Variants in ADK observed in about 807,000 individuals in gnomAD.
ADK encodes N6,N6-dimethyladenosine kinase.
A neutral mutation model predicts 44.7 loss-of-function variants in ADK; 24 were observed. That is an observed-to-expected ratio of 0.54 (90% CI 0.39 to 0.76). The LOEUF is 0.76. ADK is among the 30% of genes least tolerant of loss of function. The pLI is 0.00. For synonymous variants in ADK, 128 were observed against 142.6 expected, an observed-to-expected ratio of 0.90 and a Z score of 0.73; for missense variants, 321 against 425.1, an observed-to-expected ratio of 0.76 and a Z score of 2.15.
intron 1 of ADK, among the ~76,000 whole-genome samples, chr10:74,180,133 G>A (rs1181733450): frequency 6.6e-6 from 1 of 151,798 alleles, no homozygotes; most frequent in African/African-American, 2.4e-5. Context: ...AAATCAATGA[G>A]GACCAATGGT....
At chr10:74,280,840 C>T (rs2132443952) in intron 3 of ADK, among the ~76,000 whole-genome samples, 1 of 152,158 alleles carries the variant, frequency 6.6e-6, no homozygotes, top group Non-Finnish European at 1.5e-5. Context: ...TGTATTAAGT[C>T]CTTTGGTTTT....
rs370054334 is a variant in ADK at position 74,449,847 on chromosome 10, T to C, written c.555+51268T>C. On this transcript the variant is annotated intron_variant, in intron 6 of 10. Coordinates refer to ENST00000539909, the MANE Select transcript of ADK (RefSeq NM_006721.4). Reference sequence around the variant, plus strand: ...TGTGTTATTTATCCTTGTATTGCCATGGCCTGGCACAGTAATTGAAAAAGT... The same window carrying C: ...TGTGTTATTTATCCTTGTATTGCCACGGCCTGGCACAGTAATTGAAAAAGT... 2.3e-4 allele frequency among the ~76,000 whole-genome samples: 35 copies of C among 152,322 alleles called. 1 individual carries two copies. The highest frequency in any genetic ancestry group is 6.8e-3 in the Middle Eastern group (2 of 294).
intron 6 of ADK, among the ~76,000 whole-genome samples, chr10:74,475,081 C>T (rs1015092306): frequency 2.6e-5 from 4 of 151,932 alleles, no homozygotes; most frequent in African/African-American, 4.8e-5. Flanking sequence ...GCCGAGTTCA[C>T]GCCACTGCAC....
At chr10:74,624,382 G>T (rs1202493833) in intron 9 of ADK, among the ~76,000 whole-genome samples, 2 of 151,820 alleles carry the variant, frequency 1.3e-5, no homozygotes, top group Admixed American at 6.6e-5. Context: ...AAACCTTTCT[G>T]TGTTTTTAAA....
chr10:74,292,329 TG>T (rs957173082), intron 3 of ADK, among the ~76,000 whole-genome samples: 1 of 152,224 alleles, frequency 6.6e-6, no homozygotes, highest in African/African-American at 2.4e-5. Flanking sequence ...GTTTCTGTGA[TG>T]GGAAGATGAC....
At chr10:74,218,846 C>G (rs1223048285) in intron 2 of ADK, among the ~76,000 whole-genome samples, 2 of 152,028 alleles carry the variant, frequency 1.3e-5, no homozygotes, top group African/African-American at 2.4e-5. Context: ...CCAGGCCTGC[C>G]CTAAAAGAGC....
chr10:74,456,198 A>T (rs1394030281), intron 6 of ADK, among the ~76,000 whole-genome samples: 2 of 152,140 alleles, frequency 1.3e-5, no homozygotes, highest in Non-Finnish European at 2.9e-5. Context: ...TCTAATAGAC[A>T]TCTACAGAAC....
At chr10:74,298,467 A>G (rs146030500) in intron 3 of ADK, among the ~76,000 whole-genome samples, 1 of 152,164 alleles carries the variant, frequency 6.6e-6, no homozygotes, top group Admixed American at 6.5e-5. Context: ...AATTGAGGAC[A>G]TTAGGCTCGT....
At chr10:74,273,822 G>T (rs1846543712) in intron 3 of ADK, among the ~76,000 whole-genome samples, 1 of 152,156 alleles carries the variant, frequency 6.6e-6, no homozygotes, top group African/African-American at 2.4e-5. Context: ...AACTACTTCA[G>T]TGTCCATTTT....
chr10:74,413,082 A>G (rs1844243690), intron 6 of ADK, among the ~76,000 whole-genome samples: 1 of 152,068 alleles, frequency 6.6e-6, no homozygotes, highest in Non-Finnish European at 1.5e-5. Flanking sequence ...TCAGCATACC[A>G]TACTCAAACA....
intron 3 of ADK, among the ~76,000 whole-genome samples, chr10:74,267,102 A>G (rs563735630): frequency 3.3e-5 from 5 of 152,346 alleles, no homozygotes; most frequent in South Asian, 4.1e-4. Flanking sequence ...TTAGTAATCT[A>G]GAGATGATTT....
chr10:74,599,517 A>G (rs1204960309), intron 8 of ADK, among the ~76,000 whole-genome samples: 3 of 152,190 alleles, frequency 2.0e-5, no homozygotes, highest in Non-Finnish European at 4.4e-5. Context: ...GAAACTTTGC[A>G]TAGTGATAGA....
chr10:74,317,212 A>G (rs1840654034), intron 4 of ADK, among the ~76,000 whole-genome samples: 1 of 152,230 alleles, frequency 6.6e-6, no homozygotes, highest in Non-Finnish European at 1.5e-5. Context: ...CACAGCACAA[A>G]TGTAAATTTT....
intron 3 of ADK, among the ~76,000 whole-genome samples, chr10:74,271,034 C>T (rs545925776): frequency 1.4e-4 from 21 of 152,186 alleles, no homozygotes; most frequent in South Asian, 2.1e-4. Flanking sequence ...ATGCATATAG[C>T]GGTAATGTAG....
At chr10:74,641,383 A>T (rs1853836790) in intron 9 of ADK, 1 of 152,082 alleles carries the variant, frequency 6.6e-6, no homozygotes, top group African/African-American at 2.4e-5. Flanking sequence ...ATAAATAAAT[A>T]ATTTTTTGGT....
intron 6 of ADK, among the ~76,000 whole-genome samples, chr10:74,453,482 C>A (rs932983976): frequency 2.0e-5 from 3 of 152,090 alleles, no homozygotes; most frequent in African/African-American, 7.2e-5. Flanking sequence ...TAGTATAATG[C>A]AGTTCATTGA....
chr10:74,469,884 A>G (rs1181687005), intron 6 of ADK, among the ~76,000 whole-genome samples: 1 of 152,074 alleles, frequency 6.6e-6, no homozygotes, highest in African/African-American at 2.4e-5. Context: ...ATCATGGTTT[A>G]TGGCTGGCTT....
chr10:74,690,497 A>G (rs896880599), intron 10 of ADK, among the ~76,000 whole-genome samples: 6 of 152,218 alleles, frequency 3.9e-5, no homozygotes, highest in Admixed American at 6.5e-5. Context: ...CCCCGTCTCA[A>G]AAAAAGTCCA....
Position 74,394,186 on chromosome 10 carries a change from A to G in ADK, c.319A>G (p.Ile107Val). 6.2e-7 allele frequency: 1 copy of G among 1,614,078 alleles called. No individual in the cohort carries two copies. Among genetic ancestry groups the G allele is most frequent in the Non-Finnish European group, 8.5e-7 (1 of 1,179,956 alleles). The change falls in exon 5 of 11, where the codon ATT becomes GTT. Residue 107 changes from isoleucine to valine, a missense_variant. Transcript: ENST00000539909. ...CAAAGCAGCAACATTTTTTGGATGC[A>G]TTGGGATAGATAAATTTGGGGAGAT... ...PHKAATFFGCIGIDKFGEILK... is the reference protein window; with the variant it reads ...PHKAATFFGCVGIDKFGEILK...
Sources: gnomAD v4.1 joint callset for allele counts (sites outside exome capture counted in the v4.1 genomes callset) on GRCh38, gnomAD v4.1.1 for gene constraint, MANE v1.5 for transcripts, NCBI Gene and HGNC (gene_info 2026-07-23, HGNC 2026-07-21) for gene names.